ARHGEF3: variants seen among roughly 807,000 people sequenced by gnomAD.
The protein encoded by ARHGEF3 is 59.8 kDA protein.
ARHGEF3 carries 28 observed loss-of-function variants against 63.2 expected under a neutral mutation model. The observed-to-expected ratio is 0.44, with a 90% CI of 0.33 to 0.61. The LOEUF (loss-of-function observed/expected upper bound fraction) is 0.61, where lower values mean the gene tolerates loss of function less well. Ranked by LOEUF, ARHGEF3 falls within the 20% of genes least tolerant of loss-of-function variation. ARHGEF3 has a pLI of 0.03. For synonymous variants in ARHGEF3, 266 were observed against 254.2 expected (o/e 1.05, Z -0.44); for missense variants, 533 against 659.3 (o/e 0.81, Z 2.10).
At chr3:56,733,110 T>C (rs1248041305) in intron 8 of ARHGEF3, among the ~76,000 whole-genome samples, 2 of 150,460 alleles carry the variant, frequency 1.3e-5, no homozygotes, top group East Asian at 4.0e-4. Flanking sequence ...AGTGAAACCC[T>C]GTCTCTACTA....
chr3:57,018,681 C>T (rs1462304489), intron 2 of ARHGEF3, among the ~76,000 whole-genome samples: 2 of 152,152 alleles, frequency 1.3e-5, no homozygotes, highest in Admixed American at 1.3e-4. Flanking sequence ...ACGTTTATGT[C>T]GTGTCTCACC....
intron 1 of ARHGEF3, among the ~76,000 whole-genome samples, chr3:57,039,886 C>A (rs145257317): frequency 6.6e-6 from 1 of 152,302 alleles, no homozygotes; most frequent in Non-Finnish European, 1.5e-5. Flanking sequence ...TGCAAAGTCC[C>A]TTTTTCCATG....
At chr3:56,993,327 C>A (rs1701838243) in intron 2 of ARHGEF3, among the ~76,000 whole-genome samples, 3 of 152,134 alleles carry the variant, frequency 2.0e-5, no homozygotes, top group Admixed American at 2.0e-4. Context: ...AAGACCCCAA[C>A]CAGAGGCTGA....
intron 1 of ARHGEF3, among the ~76,000 whole-genome samples, chr3:57,057,029 C>T (rs771709537): frequency 2.0e-5 from 3 of 152,134 alleles, no homozygotes; most frequent in Non-Finnish European, 4.4e-5. Flanking sequence ...CACCTGCCCC[C>T]TTGGTAGTAC....
chr3:56,813,743 A>G (rs530853356), intron 4 of ARHGEF3, among the ~76,000 whole-genome samples: 1 of 152,300 alleles, frequency 6.6e-6, no homozygotes, highest in South Asian at 2.1e-4. Context: ...CTGTAACAAT[A>G]GTTCACTATT....
At chr3:56,946,689 T>C (rs1215133847) in intron 3 of ARHGEF3, among the ~76,000 whole-genome samples, 2 of 152,140 alleles carry the variant, frequency 1.3e-5, no homozygotes, top group Non-Finnish European at 2.9e-5. Flanking sequence ...TGGAACCAAG[T>C]TGAAAAACAC....
intron 4 of ARHGEF3, among the ~76,000 whole-genome samples, chr3:56,878,162 G>A (rs952571743): frequency 6.6e-6 from 1 of 152,184 alleles, no homozygotes; most frequent in Non-Finnish European, 1.5e-5. Flanking sequence ...TGCAGCAGGA[G>A]CTCTGGCACC....
chr3:56,987,492 A>G (rs1425665946), intron 2 of ARHGEF3, among the ~76,000 whole-genome samples: 1 of 152,102 alleles, frequency 6.6e-6, no homozygotes, highest in Non-Finnish European at 1.5e-5. Flanking sequence ...ATCTGCAGGC[A>G]GGAGGGAAGG....
intron 4 of ARHGEF3, among the ~76,000 whole-genome samples, chr3:56,815,153 T>TAA (rs766433521): frequency 2.2e-5 from 3 of 133,462 alleles, no homozygotes; most frequent in African/African-American, 5.5e-5. Flanking sequence ...CTAAAAAAAT[T>TAA]AAAAAAAAAA....
chr3:56,757,965 G>A (rs543615635), intron 2 of ARHGEF3, among the ~76,000 whole-genome samples: 12 of 150,636 alleles, frequency 8.0e-5, no homozygotes, highest in South Asian at 2.1e-4. Context: ...CTCGTGATCC[G>A]CCCGCCTCGG....
At chr3:57,017,386 A>C (rs1377262200) in intron 2 of ARHGEF3, among the ~76,000 whole-genome samples, 2 of 152,294 alleles carry the variant, frequency 1.3e-5, no homozygotes, top group African/African-American at 4.8e-5. Context: ...CTCTGGGAAG[A>C]AAGAGAATGT....
chr3:56,920,134 C>G (rs555785795), intron 3 of ARHGEF3, among the ~76,000 whole-genome samples: 2 of 152,236 alleles, frequency 1.3e-5, no homozygotes, highest in Admixed American at 6.5e-5. Flanking sequence ...GGGAAAAAAA[C>G]CTACAAAATT....
intron 2 of ARHGEF3, among the ~76,000 whole-genome samples, chr3:56,772,521 T>C (rs965746937): frequency 6.6e-6 from 1 of 152,220 alleles, no homozygotes; most frequent in African/African-American, 2.4e-5. Flanking sequence ...AGACTGCTGC[T>C]CAGCTAAACC....
chr3:57,009,651 C>T (rs758387950), intron 2 of ARHGEF3, among the ~76,000 whole-genome samples: 2 of 152,072 alleles, frequency 1.3e-5, no homozygotes, highest in Non-Finnish European at 1.5e-5. Flanking sequence ...AATGAGAGTG[C>T]GTGGAGAAGA....
At chr3:57,065,069 G>A (rs545950308) in intron 1 of ARHGEF3, among the ~76,000 whole-genome samples, 2 of 152,244 alleles carry the variant, frequency 1.3e-5, no homozygotes, top group Non-Finnish European at 2.9e-5. Context: ...AGGGTGGAGA[G>A]AGGGTTCTGC....
At chr3:57,008,913 G>A (rs1423924606) in intron 2 of ARHGEF3, among the ~76,000 whole-genome samples, 1 of 152,176 alleles carries the variant, frequency 6.6e-6, no homozygotes, top group Non-Finnish European at 1.5e-5. Flanking sequence ...TCAATGAATT[G>A]CCAACATTTC....
chr3:56,768,028 G>A (rs577011179), intron 2 of ARHGEF3, among the ~76,000 whole-genome samples: 5 of 151,938 alleles, frequency 3.3e-5, no homozygotes, highest in South Asian at 2.1e-4. Context: ...GATTACATGC[G>A]TGAGCCACCA....
At chr3:57,009,857 G>A (rs1197732028) in intron 2 of ARHGEF3, among the ~76,000 whole-genome samples, 1 of 152,150 alleles carries the variant, frequency 6.6e-6, no homozygotes, top group Non-Finnish European at 1.5e-5. Context: ...ATAGTGAGCA[G>A]CAACACAGCA....
intron 3 of ARHGEF3, among the ~76,000 whole-genome samples, chr3:56,935,977 A>G (rs1698883037): frequency 6.6e-6 from 1 of 152,208 alleles, no homozygotes; most frequent in Admixed American, 6.5e-5. Flanking sequence ...TGAGTGACAG[A>G]TCCATTTGAC....
Sources: allele counts gnomAD v4.1 joint callset (sites outside exome capture counted in the v4.1 genomes callset), GRCh38; gene constraint gnomAD v4.1.1; transcripts MANE v1.5; gene names NCBI Gene and HGNC (gene_info 2026-07-23, HGNC 2026-07-21).